Variants in AFG2A observed in about 807,000 individuals in gnomAD.
AFG2A encodes the protein ATPase family gene 2 protein homolog A.
the AFG2A span, among the ~76,000 whole-genome samples, chr4:123,251,992 T>C: frequency 6.6e-6 from 1 of 152,092 alleles, no homozygotes; most frequent in Non-Finnish European, 1.5e-5. Context: ...TTTTCCAAAG[T>C]GGAAAAGAAA....
chr4:123,174,358 A>G, the AFG2A span, among the ~76,000 whole-genome samples: 3 of 152,330 alleles, frequency 2.0e-5, no homozygotes, highest in East Asian at 3.8e-4. Flanking sequence ...TAACATGTCT[A>G]TTGGTGGGGC....
the AFG2A span, among the ~76,000 whole-genome samples, chr4:123,039,692 G>A: frequency 6.8e-3 from 1,029 of 151,034 alleles, 5 homozygotes; most frequent in Non-Finnish European, 0.011. Context: ...TTGCTTTGCA[G>A]TCTAGTACAA....
At chr4:123,136,451 G>A in the AFG2A span, among the ~76,000 whole-genome samples, 4 of 152,060 alleles carry the variant, frequency 2.6e-5, no homozygotes, top group South Asian at 6.2e-4. Context: ...GGCGGATCAC[G>A]AGGTCAGGAG....
At chr4:122,930,442 G>T in the AFG2A span, among the ~76,000 whole-genome samples, 5 of 152,152 alleles carry the variant, frequency 3.3e-5, no homozygotes, top group African/African-American at 1.2e-4. Context: ...GTTCTCTTTT[G>T]CTACTATTGT....
the AFG2A span, among the ~76,000 whole-genome samples, chr4:123,278,938 G>A: frequency 2.6e-5 from 4 of 152,248 alleles, 1 homozygote; most frequent in Admixed American, 2.6e-4. Flanking sequence ...ATTAGGGTGA[G>A]TCATGTGCTG....
the AFG2A span, chr4:122,933,957 A>G: frequency 3.8e-6 from 4 of 1,051,880 alleles, no homozygotes; most frequent in East Asian, 5.4e-5. Context: ...TAGGTCCTCA[A>G]TTTTTTATGA....
chr4:122,924,999 C>T, the AFG2A span, among the ~76,000 whole-genome samples: 1 of 152,144 alleles, frequency 6.6e-6, no homozygotes, highest in Non-Finnish European at 1.5e-5. Context: ...TAGCACTGTA[C>T]AATAACTCTT....
chr4:123,129,151 C>T, the AFG2A span, among the ~76,000 whole-genome samples: 12 of 152,220 alleles, frequency 7.9e-5, no homozygotes, highest in African/African-American at 2.9e-4. Flanking sequence ...ATCTTAAAGG[C>T]AATACTTTAA....
At chr4:123,101,753 T>C in the AFG2A span, among the ~76,000 whole-genome samples, 2 of 151,894 alleles carry the variant, frequency 1.3e-5, no homozygotes, top group Non-Finnish European at 2.9e-5. Context: ...TTTTGCATAA[T>C]GCCAGCAATG....
At chr4:123,290,628 G>A in the AFG2A span, among the ~76,000 whole-genome samples, 4 of 152,184 alleles carry the variant, frequency 2.6e-5, no homozygotes, top group Non-Finnish European at 1.5e-5. Context: ...CATGGTGGAA[G>A]GCAAGGAGGA....
At chr4:123,032,884 G>A in the AFG2A span, among the ~76,000 whole-genome samples, 1 of 152,226 alleles carries the variant, frequency 6.6e-6, no homozygotes, top group African/African-American at 2.4e-5. Flanking sequence ...CTGTAGGCCA[G>A]TGTAAGCATT....
the AFG2A span, among the ~76,000 whole-genome samples, chr4:123,059,603 A>G: frequency 7.4e-3 from 1,120 of 151,464 alleles, 22 homozygotes; most frequent in African/African-American, 0.026. Flanking sequence ...GAATAGTGCC[A>G]CAATAAACAT....
the AFG2A span, among the ~76,000 whole-genome samples, chr4:122,941,024 T>A: frequency 6.6e-6 from 1 of 150,980 alleles, no homozygotes; most frequent in Non-Finnish European, 1.5e-5. Flanking sequence ...CCATGCTGTT[T>A]GGTTACTGTG....
At chr4:122,987,381 C>T in the AFG2A span, among the ~76,000 whole-genome samples, 5 of 152,092 alleles carry the variant, frequency 3.3e-5, no homozygotes, top group Non-Finnish European at 1.5e-5. Context: ...ATCCATTCAG[C>T]CACTCTGTCT....
the AFG2A span, among the ~76,000 whole-genome samples, chr4:123,045,684 G>A: frequency 1.2e-3 from 188 of 152,186 alleles, 1 homozygote; most frequent in African/African-American, 4.1e-3. Flanking sequence ...TTAACTTGTC[G>A]TATTTCTAGT....
At chr4:122,961,856 G>T in the AFG2A span, among the ~76,000 whole-genome samples, 1 of 152,168 alleles carries the variant, frequency 6.6e-6, no homozygotes, top group Non-Finnish European at 1.5e-5. Context: ...TTCGCTGTAG[G>T]CGTGTCATAG....
chr4:122,998,709 CATT>C, the AFG2A span, among the ~76,000 whole-genome samples: 3 of 152,222 alleles, frequency 2.0e-5, no homozygotes, highest in African/African-American at 7.2e-5. Flanking sequence ...TCCTGTCTAT[CATT>C]GTTGGACATT....
the AFG2A span, among the ~76,000 whole-genome samples, chr4:122,930,341 TAATG>T: frequency 6.6e-6 from 1 of 152,230 alleles, no homozygotes; most frequent in African/African-American, 2.4e-5. Context: ...TTTTATACTT[TAATG>T]TCACCTTAGT....
the AFG2A span, among the ~76,000 whole-genome samples, chr4:123,122,825 A>G: frequency 6.7e-6 from 1 of 149,528 alleles, no homozygotes; most frequent in East Asian, 1.9e-4. Context: ...TAGTATTTGG[A>G]AATCCACATC....
Sources: gnomAD v4.1 joint callset for allele counts (sites outside exome capture counted in the v4.1 genomes callset) on GRCh38, gnomAD v4.1.1 for gene constraint, MANE v1.5 for transcripts, NCBI Gene and HGNC (gene_info 2026-07-23, HGNC 2026-07-21) for gene names.